Variants in C8orf74 observed in about 807,000 individuals in gnomAD.
C8orf74 encodes uncharacterized protein C8orf74.
C8orf74 carries 29 observed loss-of-function variants against 22.2 expected under a neutral mutation model. The observed-to-expected ratio is 1.31, with a 90% confidence interval of 0.97 to 1.78. C8orf74 has a LOEUF of 1.78. Among genes scored for constraint, C8orf74 ranks in the 40% most tolerant of loss-of-function variants. C8orf74 has a pLI of 0.00. For missense variants in C8orf74, 515 were observed against 369.9 expected (o/e 1.39, Z -3.22); for synonymous variants, 255 against 163.1 (o/e 1.56, Z -4.30).
At chr8:10,688,865 G>A (rs1586043899) in intron 2 of C8orf74, 3 of 152,348 alleles carry the variant, frequency 2.0e-5, no homozygotes, top group Non-Finnish European at 2.9e-5. Context: ...AAGATCAACA[G>A]ACCACGGACC....
chr8:10,698,073 C>T (rs1799571380), intron 3 of C8orf74, 68 bp downstream of exon 3: 2 of 1,404,484 alleles, frequency 1.4e-6, no homozygotes, highest in Middle Eastern at 5.2e-4. Flanking sequence ...GGGCTGGAGT[C>T]ACTGCAGATG....
rs374602916 is a variant in C8orf74 at position 10,700,253 on chromosome 8, T to C, written c.667T>C (p.Cys223Arg). 2 of 1,602,726 alleles carry C rather than the reference T, an allele frequency of 1.2e-6. No homozygotes were observed. Among genetic ancestry groups the C allele is most frequent in the African/African-American group, 2.7e-5 (2 of 74,634 alleles). Residue 223 changes from cysteine to arginine, a missense_variant, in exon 4 of 4, where the codon TGC becomes CGC. Coordinates refer to ENST00000304519, the MANE Select transcript of C8orf74 (RefSeq NM_001040032.2). ...LERQELESLI[C>R]QAVHTQMELL... ...CTTCCAGGAGTTGGAGAGCCTCATCTGCCAGGCAGTCCACACCCAGATGGA... is the reference window on the plus strand; with the variant it reads ...CTTCCAGGAGTTGGAGAGCCTCATCCGCCAGGCAGTCCACACCCAGATGGA...
rs140487722 is a variant in C8orf74, at chr8:10,678,042, C to T, written c.241+3204C>T. On this transcript the variant is annotated intron_variant, in intron 2 of 3. Coordinates refer to ENST00000304519, the MANE Select transcript of C8orf74 (RefSeq NM_001040032.2). ...CCTTACGAGTTCCTCCTCTCACTTT[C>T]GTATCATCTGAAAGCGTGTGAGGCA... Among the ~76,000 whole-genome samples, 522 of 152,272 alleles carry T rather than the reference C, an allele frequency of 3.4e-3. 11 individuals are homozygous for T. Among genetic ancestry groups the T allele is most frequent in the East Asian group, 0.028 (143 of 5,176 alleles).
intron 2 of C8orf74, among the ~76,000 whole-genome samples, chr8:10,678,969 G>T (rs1212065722): frequency 1.3e-5 from 2 of 152,220 alleles, no homozygotes; most frequent in African/African-American, 2.4e-5. Context: ...TCCCCCAGAT[G>T]CCGAGGGTAG....
rs1799632604 is a variant in C8orf74 at position 10,700,434 on chromosome 8, G to A, written c.848G>A (p.Arg283Lys). ...AGQEEALKPQRASKGKKAKAR... is the reference protein window; with the variant it reads ...AGQEEALKPQKASKGKKAKAR... ...CAGGAGGAAGCCCTGAAGCCCCAAA[G>A]AGCGAGCAAAGGAAAGAAAGCGAAG... The change falls in exon 4 of 4, where the codon AGA becomes AAA. Residue 283 changes from arginine (R) to lysine (K), a missense_variant. Coordinates refer to ENST00000304519, the MANE Select transcript of C8orf74 (RefSeq NM_001040032.2). The A allele has an allele frequency of 6.5e-7, 1 of 1,548,116 alleles. No individual in the cohort carries two copies. The highest frequency in any genetic ancestry group is 1.4e-5 in the African/African-American group (1 of 70,246).
chr8:10,677,457 A>G (rs1453633210), intron 2 of C8orf74, among the ~76,000 whole-genome samples: 2 of 152,182 alleles, frequency 1.3e-5, no homozygotes, highest in African/African-American at 4.8e-5. Flanking sequence ...AGCTTCCATA[A>G]ATCATATATG....
rs530584995 is a variant in C8orf74, at chr8:10,695,857, G to A, written c.242-1742G>A. Among the ~76,000 whole-genome samples, 25 of 152,300 alleles carry A rather than the reference G, an allele frequency of 1.6e-4. 1 individual carries two copies. The highest frequency in any genetic ancestry group is 6.0e-4 in the African/African-American group (25 of 41,570). ...AAGCCCGGCTCCTTGCCTACAGCAT[G>A]TTACTTTCATTGTCGGCAGAAGGAA... On this transcript the variant is annotated intron_variant, in intron 2 of 3. Coordinates refer to ENST00000304519, the MANE Select transcript of C8orf74 (RefSeq NM_001040032.2).
intron 2 of C8orf74, chr8:10,688,943 C>A (rs544816675): frequency 6.6e-6 from 1 of 152,232 alleles, no homozygotes; most frequent in South Asian, 2.1e-4. Context: ...CTCTTCCTGA[C>A]AATCCTGCCT....
intron 2 of C8orf74, among the ~76,000 whole-genome samples, chr8:10,679,692 T>C (rs1799107292): frequency 6.6e-6 from 1 of 152,194 alleles, no homozygotes; most frequent in Admixed American, 6.5e-5. Flanking sequence ...AGCCACGGCC[T>C]GGCTGCCTCC....
intron 2 of C8orf74, among the ~76,000 whole-genome samples, chr8:10,686,897 T>C (rs1363494129): frequency 1.3e-5 from 2 of 152,164 alleles, no homozygotes; most frequent in Non-Finnish European, 2.9e-5. Context: ...TCCTGTCCCC[T>C]TCACTGTTTG....
intron 2 of C8orf74, among the ~76,000 whole-genome samples, chr8:10,697,282 A>G (rs561638328): frequency 5.3e-5 from 8 of 152,078 alleles, no homozygotes; most frequent in African/African-American, 1.7e-4. Context: ...AAACATAAAC[A>G]AAATTAGTCA....
chr8:10,678,169 G>A (rs1799071869), intron 2 of C8orf74, among the ~76,000 whole-genome samples: 1 of 152,194 alleles, frequency 6.6e-6, no homozygotes, highest in South Asian at 2.1e-4. Flanking sequence ...GGGGTCCAGA[G>A]GGAAAATTCA....
rs1799620633 is a variant in C8orf74 at position 10,700,096 on chromosome 8, C to G, written c.649-139C>G. On this transcript the variant is annotated intron_variant, in intron 3 of 3. Coordinates refer to ENST00000304519, the MANE Select transcript of C8orf74 (RefSeq NM_001040032.2). Reference sequence around the variant, plus strand: ...CTGAAGTCAACCAGAAGCCAGAGGTCCAGGCAACCACGGCCCGTGGGCAGG... The same window carrying G: ...CTGAAGTCAACCAGAAGCCAGAGGTGCAGGCAACCACGGCCCGTGGGCAGG... The G allele has an allele frequency of 1.5e-5, 8 of 541,646 alleles. 1 individual carries two copies. The South Asian group carries it at 2.7e-4, about 19-fold the overall frequency. The allele number at this position is 541,646 out of a possible 1,614,324, so 33.6% of individuals were successfully genotyped here. A position where few individuals can be genotyped will look rare whatever the true frequency, so the allele number is the denominator to read the frequency against.
intron 2 of C8orf74, among the ~76,000 whole-genome samples, chr8:10,681,202 G>C (rs1799140810): frequency 6.6e-6 from 1 of 152,082 alleles, no homozygotes; most frequent in African/African-American, 2.4e-5. Flanking sequence ...AAAAGCTTCA[G>C]CTGGCTCTGG....
Position 10,674,817 on chromosome 8 carries a change from G to C in C8orf74, c.220G>C (p.Glu74Gln). The C allele has an allele frequency of 6.2e-7, 1 of 1,603,048 alleles. No homozygotes were observed. Among genetic ancestry groups the C allele is most frequent in the East Asian group, 2.2e-5 (1 of 44,458 alleles). ...GGCCCAGGTGGTCAAGTTCACAGAA[G>C]AGCTGCTAAGGGAAACCAAAGGTAT... is the stretch of plus-strand genomic sequence containing the variant. ...EVAQVVKFTE[E>Q]LLRETKGCSI... The change falls in exon 2 of 4, where the codon GAG becomes CAG. Residue 74 changes from glutamate to glutamine, a missense_variant. Glu to Gln is a conservative substitution (Grantham distance 29). Coordinates refer to ENST00000304519, the MANE Select transcript of C8orf74 (RefSeq NM_001040032.2).
In C8orf74 at chr8:10,694,608, T is replaced by G. The variant is rs1275085634; in HGVS notation, c.242-2991T>G. Among the ~76,000 whole-genome samples the G allele has an allele frequency of 2.0e-5, 3 of 152,186 alleles. No homozygotes were observed. In the East Asian group the frequency reaches 5.8e-4, roughly 29 times the overall value. ...TGTATAAGATAAGGCAAACATAGAG[T>G]AGCTACCTGTGGAGATATTTAACCT... On this transcript the variant is annotated intron_variant, in intron 2 of 3. Transcript: ENST00000304519.
At position 10,697,945 on chromosome 8, in the gene C8orf74, G is replaced by C; in HGVS notation, c.588G>C (p.Ser196=). The change falls in exon 3 of 4, where the codon TCG becomes TCC. Residue 196 remains serine (S), a synonymous_variant. Transcript: ENST00000304519. ...CGCTGCGCCTGGAGCGGGAGAACTC[G>C]CTGCAGAAGGCGTTCGCTGCCGCCG... ...KEALRLEREN[S]LQKAFAAAAP... 1 of 1,568,376 alleles carries C rather than the reference G, an allele frequency of 6.4e-7. No homozygotes were observed.
intron 2 of C8orf74, among the ~76,000 whole-genome samples, chr8:10,675,179 C>T (rs560689665): frequency 4.5e-4 from 69 of 152,318 alleles, no homozygotes; most frequent in African/African-American, 1.6e-3. Context: ...CCTTCATGGA[C>T]CTGAAGGGCT....
chr8:10,679,650 C>T (rs1231367174), intron 2 of C8orf74, among the ~76,000 whole-genome samples: 1 of 152,182 alleles, frequency 6.6e-6, no homozygotes, highest in Non-Finnish European at 1.5e-5. Flanking sequence ...CCGCGTTGGG[C>T]CTCATGGGCT....
Sources: allele counts gnomAD v4.1 joint callset (sites outside exome capture counted in the v4.1 genomes callset), GRCh38; gene constraint gnomAD v4.1.1; transcripts MANE v1.5; gene names NCBI Gene and HGNC (gene_info 2026-07-23, HGNC 2026-07-21).